BANK1: variants seen among roughly 807,000 people sequenced by gnomAD.
The protein encoded by BANK1 is B-cell scaffold protein with ankyrin repeats.
Under a neutral mutation model 94.5 loss-of-function variants are expected in BANK1, and 95 were observed. The ratio of observed to expected loss-of-function variants is 1.00; its 90% CI spans 0.85 to 1.19. The LOEUF (loss-of-function observed/expected upper bound fraction) is 1.19. Ranked by LOEUF, BANK1 falls within the 50% of genes most tolerant of loss-of-function variation. The probability of loss-of-function intolerance (pLI) is 0.00; values close to 1 mark genes in which losing one functional copy is unlikely to be tolerated. For synonymous variants in BANK1, 334 were observed against 308.4 expected, an observed-to-expected ratio of 1.08 and a Z score of -0.87; for missense variants, 987 against 932.2, an observed-to-expected ratio of 1.06 and a Z score of -0.77.
chr4:101,948,731 G>T (rs973524426), intron 7 of BANK1, among the ~76,000 whole-genome samples: 1 of 151,888 alleles, frequency 6.6e-6, no homozygotes, highest in Non-Finnish European at 1.5e-5. Flanking sequence ...AATCCCTATG[G>T]GTATGCTACT....
At chr4:101,928,816 AGCGCCTGGCGCTGAACATTT>A in intron 7 of BANK1, among the ~76,000 whole-genome samples, 1 of 151,510 alleles carries the variant, frequency 6.6e-6, no homozygotes, top group Non-Finnish European at 1.5e-5. Flanking sequence ...AGTGGAGAGC[AGCGCCTGGCGCTGAACATTT>A]GTTCACGGCC....
At chr4:101,813,863 A>C (rs1039930075) in intron 1 of BANK1, 1 of 985,282 alleles carries the variant, frequency 1.0e-6, no homozygotes, top group Non-Finnish European at 1.2e-6. Context: ...ACACATCAGG[A>C]AGAGGGTGGG....
chr4:102,026,214 T>C (rs1207866840), intron 9 of BANK1, among the ~76,000 whole-genome samples: 1 of 152,222 alleles, frequency 6.6e-6, no homozygotes, highest in East Asian at 1.9e-4. Context: ...TAGGTTTATC[T>C]GCCTGGAGTG....
intron 7 of BANK1, among the ~76,000 whole-genome samples, chr4:101,946,222 T>A (rs28497409): frequency 0.37 from 55,440 of 151,812 alleles, 11,540 homozygotes; most frequent in South Asian, 0.53. Context: ...TATAATGTTA[T>A]GCGATGAGAT....
chr4:102,056,874 C>T (rs572614320), intron 11 of BANK1, among the ~76,000 whole-genome samples: 7 of 152,126 alleles, frequency 4.6e-5, no homozygotes, highest in East Asian at 1.9e-4. Flanking sequence ...GTTATGGTGG[C>T]GCACGCCTGT....
At chr4:102,070,722 C>T (rs1578492794) in intron 13 of BANK1, among the ~76,000 whole-genome samples, 1 of 152,122 alleles carries the variant, frequency 6.6e-6, no homozygotes, top group South Asian at 2.1e-4. Flanking sequence ...TCTCCCACCT[C>T]GCTCATGCCT....
At chr4:101,941,923 G>C (rs1469399730) in intron 7 of BANK1, among the ~76,000 whole-genome samples, 1 of 151,750 alleles carries the variant, frequency 6.6e-6, no homozygotes, top group African/African-American at 2.4e-5. Flanking sequence ...CTTGTGTGGG[G>C]TAACTGAGAC....
At chr4:101,912,616 C>T (rs1328167089) in intron 6 of BANK1, among the ~76,000 whole-genome samples, 1 of 147,758 alleles carries the variant, frequency 6.8e-6, no homozygotes, top group Admixed American at 6.8e-5. Flanking sequence ...TAAATATATA[C>T]ATAATATATA....
In BANK1 at chr4:101,903,842, G is replaced by A. The variant is rs1259876417; in HGVS notation, c.1009+8432G>A. ...GTCATTTACTAAGGTCCCCAAGTAGGAGTAAGGAGTAGCAGTCTCAATTTT... is the reference window on the plus strand; with the variant it reads ...GTCATTTACTAAGGTCCCCAAGTAGAAGTAAGGAGTAGCAGTCTCAATTTT... On this transcript the variant is annotated intron_variant, in intron 6 of 16. Coordinates refer to ENST00000322953, the MANE Select transcript of BANK1 (RefSeq NM_017935.5). 3.3e-5 allele frequency among the ~76,000 whole-genome samples: 5 copies of A among 152,168 alleles called. No homozygotes were observed. In the East Asian group the frequency reaches 7.7e-4, roughly 23 times the overall value.
chr4:102,024,777 A>G (rs1450646005), intron 8 of BANK1, among the ~76,000 whole-genome samples: 1 of 152,070 alleles, frequency 6.6e-6, no homozygotes, highest in Non-Finnish European at 1.5e-5. Flanking sequence ...TAAGAGTCAG[A>G]TTCATTTCTA....
rs369237039 is a variant in BANK1 at position 101,836,122 on chromosome 4, C to T, written c.469+5916C>T. ...GACTCTCGTTACATTCTATATTCTC[C>T]GTAACTATTTTTTTAACCATTTCTT... On this transcript the variant is annotated intron_variant, in intron 2 of 16. Transcript: ENST00000322953. 4.1e-3 allele frequency among the ~76,000 whole-genome samples: 625 copies of T among 152,192 alleles called. 36 individuals are homozygous for T. In the South Asian group the frequency reaches 0.11, roughly 27 times the overall value.
At chr4:102,008,257 T>G (rs1726369788) in intron 7 of BANK1, among the ~76,000 whole-genome samples, 1 of 152,194 alleles carries the variant, frequency 6.6e-6, no homozygotes. Flanking sequence ...TCTCTTCATC[T>G]TAATGTCTTC....
intron 5 of BANK1, among the ~76,000 whole-genome samples, chr4:101,887,735 T>C (rs573849911): frequency 6.6e-6 from 1 of 152,304 alleles, no homozygotes; most frequent in South Asian, 2.1e-4. Context: ...ATAATACATA[T>C]AAAATCATTT....
intron 7 of BANK1, among the ~76,000 whole-genome samples, chr4:101,931,671 T>C (rs1304320095): frequency 6.6e-6 from 1 of 151,606 alleles, no homozygotes; most frequent in African/African-American, 2.4e-5. Flanking sequence ...AGCACAAGTA[T>C]TGATTTGATT....
At chr4:101,918,604 T>C (rs1722906482) in intron 7 of BANK1, among the ~76,000 whole-genome samples, 1 of 151,970 alleles carries the variant, frequency 6.6e-6, no homozygotes, top group Non-Finnish European at 1.5e-5. Flanking sequence ...CATAATCATG[T>C]TTAGAAAAGC....
rs1203874582 is a variant in BANK1, at chr4:101,790,751, C to G, written c.-130C>G. The G allele has an allele frequency of 1.2e-5, 12 of 1,010,302 alleles. No homozygotes were observed. In the Admixed American group the frequency reaches 1.4e-4, roughly 12 times the overall value. 62.6% of individuals were successfully genotyped at this position (1,010,302 alleles called of 1,614,324 possible). On this transcript the variant is annotated 5_prime_UTR_variant, in exon 1 of 17. Coordinates refer to ENST00000322953, the MANE Select transcript of BANK1 (RefSeq NM_017935.5). ...TCCTGAGACCTGGCCGCAGCCTCCGCGGGTGGCAAGCGGGCTGGGGAGAGC... is the reference window on the plus strand; with the variant it reads ...TCCTGAGACCTGGCCGCAGCCTCCGGGGGTGGCAAGCGGGCTGGGGAGAGC...
chr4:102,025,250 G>C lies in BANK1; in HGVS notation c.1335G>C (p.Gln445His), dbSNP rs1250092036. 2 of 1,614,198 alleles carry C rather than the reference G, an allele frequency of 1.2e-6. No individual in the cohort carries two copies. The highest frequency in any genetic ancestry group is 8.5e-7 in the Non-Finnish European group (1 of 1,180,024). Residue 445 changes from glutamine (Q) to histidine (H), a missense_variant, in exon 9 of 17, where the codon CAG becomes CAC. Gln to His is a conservative substitution (Grantham distance 24, BLOSUM62 0). Coordinates refer to ENST00000322953, the MANE Select transcript of BANK1 (RefSeq NM_017935.5). The part of the protein sequence containing the change: ...FHHESRKTYG[Q>H]SADGAEANEM... ...ATGAAAGCAGGAAGACATACGGGCAGAGTGCAGATGGAGCTGAGGCAAATG... is the reference window on the plus strand; with the variant it reads ...ATGAAAGCAGGAAGACATACGGGCACAGTGCAGATGGAGCTGAGGCAAATG...
chr4:102,001,790 A>G (rs1716179345), intron 7 of BANK1, among the ~76,000 whole-genome samples: 1 of 152,184 alleles, frequency 6.6e-6, no homozygotes, highest in Admixed American at 6.5e-5. Context: ...GTAAAATAGG[A>G]GCCAGCAGGG....
chr4:101,835,532 T>A (rs1726791404), intron 2 of BANK1, among the ~76,000 whole-genome samples: 1 of 152,262 alleles, frequency 6.6e-6, no homozygotes. Context: ...ATTTCAAATT[T>A]TTAGCTTTAT....
Sources: allele counts gnomAD v4.1 joint callset (sites outside exome capture counted in the v4.1 genomes callset), GRCh38; gene constraint gnomAD v4.1.1; transcripts MANE v1.5; gene names NCBI Gene and HGNC (gene_info 2026-07-23, HGNC 2026-07-21).